The following ANKRD30B variants were observed in gnomAD, a reference collection of about 807,000 sequenced individuals.
The protein encoded by ANKRD30B is ankyrin repeat domain-containing protein 30B.
Under a neutral mutation model 202.2 loss-of-function variants are expected in ANKRD30B, and 144 were observed. The ratio of observed to expected loss-of-function variants is 0.71; its 90% CI spans 0.62 to 0.82. ANKRD30B has a LOEUF of 0.82. ANKRD30B is among the 40% of genes least tolerant of loss of function. ANKRD30B has a pLI of 0.00. For missense variants in ANKRD30B, 1,487 were observed against 1,669.1 expected (o/e 0.89, Z 1.90); for synonymous variants, 508 against 561.3 (o/e 0.91, Z 1.34).
intron 14 of ANKRD30B, among the ~76,000 whole-genome samples, chr18:14,786,399 G>C (rs1230255235): frequency 6.6e-6 from 1 of 152,110 alleles, no homozygotes. Context: ...TGAAGATATT[G>C]TTGCATTAGG....
downstream of ANKRD30B, among the ~76,000 whole-genome samples, chr18:14,858,674 A>T (rs1313895067): frequency 7.0e-6 from 1 of 142,254 alleles, no homozygotes; most frequent in African/African-American, 2.6e-5. Flanking sequence ...GGCACTCCTC[A>T]CATCCCAGAC....
At chr18:14,786,947 A>G (rs1269578600) in intron 14 of ANKRD30B, 92 bp from the exon 15 acceptor site, 29 of 1,281,482 alleles carry the variant, frequency 2.3e-5, no homozygotes, top group Non-Finnish European at 3.0e-5. Flanking sequence ...GAAAAACTAC[A>G]GATTCGTGAA....
intron 30 of ANKRD30B, among the ~76,000 whole-genome samples, chr18:14,814,964 G>A (rs2144075827): frequency 4.9e-5 from 1 of 20,248 alleles, no homozygotes; most frequent in South Asian, 1.4e-3. Flanking sequence ...GAGAAAATAA[G>A]AAAGGAGAAA....
At chr18:14,907,133 C>A in the ANKRD30B span, among the ~76,000 whole-genome samples, 1 of 151,998 alleles carries the variant, frequency 6.6e-6, no homozygotes, top group African/African-American at 2.4e-5. Context: ...GACTTATGGT[C>A]TGTGTTGATG....
chr18:14,784,832 G>C (rs1463265884), intron 14 of ANKRD30B, among the ~76,000 whole-genome samples: 1 of 34,284 alleles, frequency 2.9e-5, no homozygotes, highest in Non-Finnish European at 5.7e-5. Flanking sequence ...GGTGAATTTT[G>C]AAACTCTAAC....
chr18:14,818,268 C>A (rs1413826181), intron 30 of ANKRD30B, among the ~76,000 whole-genome samples: 1 of 151,888 alleles, frequency 6.6e-6, no homozygotes, highest in Non-Finnish European at 1.5e-5. Flanking sequence ...TTTCAGTAAC[C>A]ATTATTCTAA....
the ANKRD30B span, among the ~76,000 whole-genome samples, chr18:14,892,577 A>G: frequency 6.6e-6 from 1 of 151,992 alleles, no homozygotes; most frequent in South Asian, 2.1e-4. Context: ...CGTTTCTACT[A>G]AAAATACAAA....
chr18:14,839,045 T>C (rs1437474450), intron 36 of ANKRD30B, among the ~76,000 whole-genome samples: 3 of 152,208 alleles, frequency 2.0e-5, no homozygotes, highest in Non-Finnish European at 4.4e-5. Context: ...TATAGCAGTT[T>C]GGAAAGTGAG....
At chr18:14,766,371 G>C (rs772837763) in intron 7 of ANKRD30B, among the ~76,000 whole-genome samples, 1 of 150,176 alleles carries the variant, frequency 6.7e-6, no homozygotes, top group Non-Finnish European at 1.5e-5. Context: ...TACTCAGGAG[G>C]CTGAGGCAGG....
At chr18:14,896,093 T>TG in the ANKRD30B span, among the ~76,000 whole-genome samples, 1 of 151,816 alleles carries the variant, frequency 6.6e-6, no homozygotes, top group Non-Finnish European at 1.5e-5. Flanking sequence ...GGAGGAACTG[T>TG]GGGGGGAAAT....
intron 1 of ANKRD30B, among the ~76,000 whole-genome samples, chr18:14,752,027 G>A (rs1340381919): frequency 6.6e-6 from 1 of 152,136 alleles, no homozygotes; most frequent in Non-Finnish European, 1.5e-5. Context: ...GAGCATCTTA[G>A]AATCATTAAA....
chr18:14,847,233 T>C (rs1971688787), intron 39 of ANKRD30B, among the ~76,000 whole-genome samples: 1 of 151,694 alleles, frequency 6.6e-6, no homozygotes, highest in South Asian at 2.1e-4. Flanking sequence ...ATTTATAGTG[T>C]ATGGATTTAC....
At chr18:14,809,405 C>A (rs10468703) in intron 26 of ANKRD30B, among the ~76,000 whole-genome samples, 1 of 149,850 alleles carries the variant, frequency 6.7e-6, no homozygotes, top group African/African-American at 2.5e-5. Context: ...CATAGAAACA[C>A]AATGTGAAGC....
chr18:14,925,737 T>C, the ANKRD30B span, among the ~76,000 whole-genome samples: 29 of 152,212 alleles, frequency 1.9e-4, no homozygotes, highest in East Asian at 5.6e-3. Flanking sequence ...CTCCCAGGTG[T>C]CTCAGTGCAG....
the ANKRD30B span, among the ~76,000 whole-genome samples, chr18:14,903,978 AT>A: frequency 6.6e-6 from 1 of 152,210 alleles, no homozygotes; most frequent in African/African-American, 2.4e-5. Flanking sequence ...GCCCCCAATC[AT>A]TAGATTATAA....
At chr18:14,850,919 A>G (rs183634948) in intron 41 of ANKRD30B, among the ~76,000 whole-genome samples, 29 of 152,024 alleles carry the variant, frequency 1.9e-4, no homozygotes, top group Admixed American at 1.3e-3. Context: ...ACTTGATTAT[A>G]TTTTTAATCT....
chr18:14,915,803 C>G, the ANKRD30B span, among the ~76,000 whole-genome samples: 1 of 152,110 alleles, frequency 6.6e-6, no homozygotes, highest in Non-Finnish European at 1.5e-5. Context: ...TATAGTAGGC[C>G]CTCTGCATCC....
At chr18:14,932,833 G>A in the ANKRD30B span, among the ~76,000 whole-genome samples, 1 of 152,098 alleles carries the variant, frequency 6.6e-6, no homozygotes. Flanking sequence ...CTCCTCCCTG[G>A]GCTGCTGGGA....
At chr18:14,868,648 T>C in the ANKRD30B span, among the ~76,000 whole-genome samples, 9 of 152,370 alleles carry the variant, frequency 5.9e-5, no homozygotes, top group African/African-American at 2.2e-4. Flanking sequence ...GTTTCCCCTG[T>C]GGAAGAGGCG....
Sources: gnomAD v4.1 joint callset for allele counts (sites outside exome capture counted in the v4.1 genomes callset) on GRCh38, gnomAD v4.1.1 for gene constraint, MANE v1.5 for transcripts, NCBI Gene and HGNC (gene_info 2026-07-23, HGNC 2026-07-21) for gene names.